The following DAB1 variants were observed in gnomAD, a reference collection of about 807,000 sequenced individuals.
DAB1 encodes DAB adaptor protein 1.
DAB1 carries 15 observed loss-of-function variants against 64.6 expected under a neutral mutation model. The ratio of observed to expected loss-of-function variants is 0.23; its 90% CI spans 0.16 to 0.36. The LOEUF is 0.36. Ranked by LOEUF, DAB1 falls within the 10% of genes least tolerant of loss-of-function variation. The pLI is 1.00. For missense variants in DAB1, 596 were observed against 706.7 expected, an observed-to-expected ratio of 0.84 and a Z score of 1.78; for synonymous variants, 235 against 251.9, an observed-to-expected ratio of 0.93 and a Z score of 0.64.
At chr1:57,147,141 C>T (rs1557808665) in intron 2 of DAB1, among the ~76,000 whole-genome samples, 1 of 151,784 alleles carries the variant, frequency 6.6e-6, no homozygotes, top group Admixed American at 6.6e-5. Context: ...GGCAAGTCTC[C>T]TACTTCAGCC....
chr1:58,119,070 A>G (rs1455827525), intron 5 of DAB1, among the ~76,000 whole-genome samples: 1 of 152,158 alleles, frequency 6.6e-6, no homozygotes, highest in East Asian at 1.9e-4. Flanking sequence ...GATGTTTGCA[A>G]ACTGCTCAGC....
At chr1:57,699,836 C>T (rs1646887196) in intron 6 of DAB1, among the ~76,000 whole-genome samples, 1 of 152,114 alleles carries the variant, frequency 6.6e-6, no homozygotes, top group South Asian at 2.1e-4. Context: ...TCACTTGATC[C>T]CGGGAGGCGG....
chr1:57,054,101 G>A (rs1263200576), intron 9 of DAB1, among the ~76,000 whole-genome samples: 3 of 152,040 alleles, frequency 2.0e-5, no homozygotes, highest in African/African-American at 7.2e-5. Flanking sequence ...CTTTGAAACT[G>A]AAAAATTACA....
In DAB1 at chr1:57,313,969, C is replaced by A. The variant is rs1371474802; in HGVS notation, c.-136-22803G>T. 3.3e-5 allele frequency among the ~76,000 whole-genome samples: 5 copies of A among 152,142 alleles called. No homozygotes were observed. In the South Asian group the frequency reaches 6.2e-4, roughly 19 times the overall value. The stretch of plus-strand genomic sequence containing the variant: ...CTCACAGACACTGAATCTGCTGGAG[C>A]CTTGATCTTGGACCTTCCAGCCTCC... On this transcript the variant is annotated intron_variant, in intron 1 of 14. Coordinates refer to ENST00000371236, the MANE Select transcript of DAB1 (RefSeq NM_001365792.1).
intron 9 of DAB1, among the ~76,000 whole-genome samples, chr1:57,045,489 G>T (rs909516489): frequency 6.6e-6 from 1 of 152,158 alleles, no homozygotes; most frequent in Non-Finnish European, 1.5e-5. Context: ...CTTGAGGTCA[G>T]CAGTTTGAGA....
intron 2 of DAB1, among the ~76,000 whole-genome samples, chr1:57,235,995 C>A (rs1311643066): frequency 6.6e-6 from 1 of 152,194 alleles, no homozygotes; most frequent in Non-Finnish European, 1.5e-5. Context: ...AAATGATTAA[C>A]TCATACTTGG....
chr1:57,105,749 T>G (rs1019650266), intron 4 of DAB1, among the ~76,000 whole-genome samples: 4 of 152,230 alleles, frequency 2.6e-5, no homozygotes, highest in African/African-American at 9.6e-5. Context: ...GATTTTGCTA[T>G]GCCACTTTGA....
At chr1:57,659,755 T>C (rs992120180) in intron 6 of DAB1, among the ~76,000 whole-genome samples, 2 of 152,058 alleles carry the variant, frequency 1.3e-5, no homozygotes, top group African/African-American at 4.8e-5. Flanking sequence ...GGTGGGCAGA[T>C]GGCTTGAGGT....
intron 5 of DAB1, among the ~76,000 whole-genome samples, chr1:57,929,101 T>TA (rs1398735518): frequency 6.6e-6 from 1 of 152,232 alleles, no homozygotes; most frequent in Non-Finnish European, 1.5e-5. Flanking sequence ...CTCCAGCATT[T>TA]AGTAGTCCCT....
rs74901488 is a variant in DAB1, at chr1:57,670,411, G to T, written n.552-20746C>A. On this transcript the variant is annotated intron_variant and non_coding_transcript_variant, in intron 6 of 20. Coordinates refer to the DAB1 transcript ENST00000485760. ...CAGCCCTGATCAATTACCCTAGGAC[G>T]ATTGTGTGAGGTAGAGAAATGTGCT... Among the ~76,000 whole-genome samples, 749 of 152,218 alleles carry T rather than the reference G, an allele frequency of 4.9e-3. 18 individuals are homozygous for T. Among genetic ancestry groups the T allele is most frequent in the East Asian group, 0.03 (154 of 5,168 alleles).
chr1:57,093,974 G>A (rs1392180764), intron 4 of DAB1, among the ~76,000 whole-genome samples: 1 of 151,982 alleles, frequency 6.6e-6, no homozygotes, highest in Non-Finnish European at 1.5e-5. Context: ...GCCAGGTGTG[G>A]TGTGCACGCC....
At chr1:57,701,600 G>A (rs889385670) in intron 6 of DAB1, among the ~76,000 whole-genome samples, 7 of 151,968 alleles carry the variant, frequency 4.6e-5, no homozygotes, top group African/African-American at 9.7e-5. Flanking sequence ...GCTAAATGAC[G>A]AGTTAATGGG....
intron 3 of DAB1, among the ~76,000 whole-genome samples, chr1:58,472,211 C>G (rs1023488473): frequency 1.3e-5 from 2 of 152,142 alleles, no homozygotes; most frequent in African/African-American, 2.4e-5. Context: ...GTAGGGCTAT[C>G]TTATTGTCTA....
intron 6 of DAB1, among the ~76,000 whole-genome samples, chr1:57,671,208 C>A (rs1300274734): frequency 1.3e-5 from 2 of 152,044 alleles, no homozygotes; most frequent in East Asian, 3.9e-4. Context: ...ACCTTTTAAT[C>A]AAAATGAGTT....
At chr1:57,691,921 G>A (rs1469836641) in intron 6 of DAB1, among the ~76,000 whole-genome samples, 4 of 152,048 alleles carry the variant, frequency 2.6e-5, no homozygotes, top group African/African-American at 7.2e-5. Flanking sequence ...CATGGCTGCC[G>A]GACTAAAGAC....
intron 7 of DAB1, among the ~76,000 whole-genome samples, chr1:57,460,050 C>T (rs1001493274): frequency 1.3e-5 from 2 of 152,158 alleles, no homozygotes; most frequent in Admixed American, 6.5e-5. Flanking sequence ...ACTAGCTCAT[C>T]GGGCACTTTT....
rs1350499928 is a variant in DAB1 at position 57,136,712 on chromosome 1, T to C, written c.208-71A>G. The C allele has an allele frequency of 6.2e-6, 6 of 960,234 alleles. No individual in the cohort carries two copies. In the Admixed American group the frequency reaches 7.8e-5, roughly 13 times the overall value. 59.5% of individuals were successfully genotyped at this position (960,234 alleles called of 1,614,324 possible). A position where few individuals can be genotyped will look rare whatever the true frequency, so the allele number is the denominator to read the frequency against. On this transcript the variant is annotated intron_variant, in intron 3 of 14. Transcript: ENST00000371236. Reference sequence around the variant, plus strand: ...AAAATTCTCTCTGGTCCCAAAGGTATGTCCGATACCATCAACCAATGCCAC... The same window carrying C: ...AAAATTCTCTCTGGTCCCAAAGGTACGTCCGATACCATCAACCAATGCCAC...
chr1:57,987,692 T>A (rs1646253866), intron 5 of DAB1, among the ~76,000 whole-genome samples: 1 of 152,200 alleles, frequency 6.6e-6, no homozygotes, highest in Admixed American at 6.5e-5. Flanking sequence ...AAGTCTTCAG[T>A]GAGGCTGCAC....
At chr1:57,942,327 G>A (rs1645118069) in intron 5 of DAB1, among the ~76,000 whole-genome samples, 1 of 152,172 alleles carries the variant, frequency 6.6e-6, no homozygotes, top group African/African-American at 2.4e-5. Flanking sequence ...AAATAAGTAA[G>A]ATCCAAACCA....
Sources: allele counts gnomAD v4.1 joint callset (sites outside exome capture counted in the v4.1 genomes callset), GRCh38; gene constraint gnomAD v4.1.1; transcripts MANE v1.5; gene names NCBI Gene and HGNC (gene_info 2026-07-23, HGNC 2026-07-21).